The following AFDN variants were observed in gnomAD, a reference collection of about 807,000 sequenced individuals.
AFDN encodes afadin, adherens junction formation factor.
Under a neutral mutation model 216.6 loss-of-function variants are expected in AFDN, and 68 were observed. The observed-to-expected ratio is 0.31, with a 90% CI of 0.26 to 0.38. The LOEUF (loss-of-function observed/expected upper bound fraction) is 0.38. Ranked by LOEUF, AFDN falls within the 10% of genes least tolerant of loss-of-function variation. The pLI is 1.00. For missense variants in AFDN, 2,136 were observed against 2,342.0 expected, an observed-to-expected ratio of 0.91 and a Z score of 1.82; for synonymous variants, 868 against 853.7, an observed-to-expected ratio of 1.02 and a Z score of -0.29.
intron 3 of AFDN, 63 bp from the exon 4 acceptor site, chr6:167,872,151 C>A: frequency 6.7e-7 from 1 of 1,503,430 alleles, no homozygotes; most frequent in Non-Finnish European, 9.0e-7. Context: ...GTTACCTAAG[C>A]CGTAGGCAAT....
intron 1 of AFDN, among the ~76,000 whole-genome samples, chr6:167,830,982 C>A (rs907078692): frequency 8.9e-6 from 1 of 112,294 alleles, no homozygotes; most frequent in African/African-American, 3.5e-5. Flanking sequence ...CACTCTCTTG[C>A]CCAGGCTGGA....
Position 167,864,545 on chromosome 6 carries a change from T to C in AFDN, c.106-6T>C, listed in dbSNP as rs1292794035. On this transcript the variant is annotated splice_region_variant and splice_polypyrimidine_tract_variant and intron_variant, in intron 1 of 33. Coordinates refer to ENST00000683244, the MANE Select transcript of AFDN (RefSeq NM_001386888.1). Reference sequence around the variant, plus strand: ...TCCAAAAATGTACCATTTTGTTTTCTTTTAGGATTTGGAGTTCCATGGAGT... The same window carrying C: ...TCCAAAAATGTACCATTTTGTTTTCCTTTAGGATTTGGAGTTCCATGGAGT... The C allele has an allele frequency of 1.2e-6, 2 of 1,606,904 alleles. No individual in the cohort carries two copies. Among genetic ancestry groups the C allele is most frequent in the East Asian group, 2.2e-5 (1 of 44,860 alleles).
chr6:167,956,114 C>CAAAAAAAAA (rs59521151), intron 30 of AFDN, among the ~76,000 whole-genome samples: 13 of 41,298 alleles, frequency 3.1e-4, no homozygotes, highest in East Asian at 8.1e-4. Context: ...GACTTTGGCT[C>CAAAAAAAAA]AAAAAAAAAA....
chr6:167,917,920 C>A (rs1036941369), intron 20 of AFDN, among the ~76,000 whole-genome samples: 1 of 152,156 alleles, frequency 6.6e-6, no homozygotes, highest in African/African-American at 2.4e-5. Flanking sequence ...AACATTATGA[C>A]ATAATGTGAA....
At chr6:167,915,482 T>C (rs1458322688) in intron 19 of AFDN, 49 bp downstream of exon 19, 1 of 1,548,352 alleles carries the variant, frequency 6.5e-7, no homozygotes, top group Non-Finnish European at 8.7e-7. Context: ...GATAAAGGCA[T>C]CTGATCTTTA....
chr6:167,852,889 G>C (rs902480815), intron 1 of AFDN, among the ~76,000 whole-genome samples: 2 of 152,044 alleles, frequency 1.3e-5, no homozygotes, highest in African/African-American at 4.8e-5. Context: ...TTTTTGGTTG[G>C]CTAGAGGGTT....
chr6:167,885,538 C>T (rs1786685698), intron 6 of AFDN, among the ~76,000 whole-genome samples: 1 of 152,208 alleles, frequency 6.6e-6, no homozygotes, highest in South Asian at 2.1e-4. Context: ...TCAGAACACA[C>T]ACACTTATCA....
chr6:167,874,005 A>C (rs185547783), intron 4 of AFDN, among the ~76,000 whole-genome samples: 59 of 152,368 alleles, frequency 3.9e-4, no homozygotes, highest in Non-Finnish European at 7.8e-4. Flanking sequence ...AGTATTACAT[A>C]ATAAGACTCT....
At chr6:167,964,385 C>A in intron 31 of AFDN, 4 of 1,064,536 alleles carry the variant, frequency 3.8e-6, no homozygotes, top group Non-Finnish European at 4.6e-6. Context: ...TACTAAGATT[C>A]TTGATAGTTC....
intron 1 of AFDN, among the ~76,000 whole-genome samples, chr6:167,847,636 T>C (rs35129743): frequency 1.3e-5 from 2 of 152,170 alleles, no homozygotes; most frequent in African/African-American, 4.8e-5. Context: ...CAGCTCTACT[T>C]TCAAAATATT....
Position 167,890,843 on chromosome 6 carries a change from TC to T in AFDN, c.1010-16del. The T allele has an allele frequency of 6.2e-7, 1 of 1,609,714 alleles. No individual in the cohort carries two copies. The highest frequency in any genetic ancestry group is 8.5e-7 in the Non-Finnish European group (1 of 1,178,040). On this transcript the variant is annotated intron_variant, in intron 7 of 33. Coordinates refer to ENST00000683244, the MANE Select transcript of AFDN (RefSeq NM_001386888.1). ...ACCAACCTGAGTCTGCCTGATGATT[TC>T]CCATGCTGCTGTTCTAGGGATTTTA...
Position 167,911,083 on chromosome 6 carries a change from T to A in AFDN, c.1770-18T>A. 6.2e-7 allele frequency: 1 copy of A among 1,606,648 alleles called. No homozygotes were observed. Among genetic ancestry groups the A allele is most frequent in the African/African-American group, 1.3e-5 (1 of 74,550 alleles). ...CCATGTGACCTTATTTTAAGTGATG[T>A]CAGCTTTCTTCTTTTAGAACACAGG... On this transcript the variant is annotated intron_variant, in intron 13 of 33. Coordinates refer to ENST00000683244, the MANE Select transcript of AFDN (RefSeq NM_001386888.1).
intron 4 of AFDN, among the ~76,000 whole-genome samples, chr6:167,873,786 T>C (rs1470427039): frequency 1.3e-5 from 2 of 152,246 alleles, no homozygotes; most frequent in Non-Finnish European, 1.5e-5. Context: ...TTATTAACCA[T>C]TTGTATTCTT....
At position 167,891,045 on chromosome 6, in the gene AFDN, A is replaced by G. The variant is rs766518799; in HGVS notation, c.1177+16A>G. 6.4e-7 allele frequency: 1 copy of G among 1,556,452 alleles called. No homozygotes were observed. Among genetic ancestry groups the G allele is most frequent in the South Asian group, 1.2e-5 (1 of 81,442 alleles). ...TTAAGCCCAGGTGAGAAAACTGGTC[A>G]CACCAGCACACATTATTAATGTGCA... On this transcript the variant is annotated intron_variant, in intron 8 of 33. Transcript: ENST00000683244.
Position 167,962,585 on chromosome 6 carries a change from G to A in AFDN, c.4968+18G>A, listed in dbSNP as rs757628665. On this transcript the variant is annotated intron_variant, in intron 31 of 33. Coordinates refer to ENST00000683244, the MANE Select transcript of AFDN (RefSeq NM_001386888.1). The surrounding 1 kb of genome is among the most constrained non-coding windows in gnomAD (Gnocchi z 5.2). Reference sequence around the variant, plus strand: ...AAGAAAAGGTTATGGTCCTTTAAGGGCAGCTAGAATTTTACCAAGTTAGCC... The same window carrying A: ...AAGAAAAGGTTATGGTCCTTTAAGGACAGCTAGAATTTTACCAAGTTAGCC... 1.2e-5 allele frequency: 19 copies of A among 1,613,800 alleles called. No individual in the cohort carries two copies. Among genetic ancestry groups the A allele is most frequent in the Non-Finnish European group, 1.4e-5 (17 of 1,179,808 alleles).
rs902020679 is a variant in AFDN at position 167,948,066 on chromosome 6, T to G, written c.3645+122T>G. 10 of 830,490 alleles carry G rather than the reference T, an allele frequency of 1.2e-5. No individual in the cohort carries two copies. The African/African-American group carries it at 1.7e-4, about 14-fold the overall frequency. 51.4% of individuals were successfully genotyped at this position (830,490 alleles called of 1,614,324 possible). A position where few individuals can be genotyped will look rare whatever the true frequency, so the allele number is the denominator to read the frequency against. ...TTAGCATTGATTATAATTTCTAAAT[T>G]TGCAGTGTTTTATCTTTTGATTTTT... On this transcript the variant is annotated intron_variant, in intron 28 of 33. Coordinates refer to ENST00000683244, the MANE Select transcript of AFDN (RefSeq NM_001386888.1).
chr6:167,900,535 G>A (rs1041809774), intron 11 of AFDN, among the ~76,000 whole-genome samples: 1 of 152,148 alleles, frequency 6.6e-6, no homozygotes, highest in African/African-American at 2.4e-5. Context: ...CACTTTGGTT[G>A]GTCTTGTCCA....
Position 167,969,934 on chromosome 6 carries a change from G to GA in AFDN, c.*2dup. Residue 1832 remains the stop codon, a frameshift_variant and stop_retained_variant, in exon 34 of 34, where the codon TGA becomes TGAA. Transcript: ENST00000683244. LOFTEE classifies it high-confidence loss of function. ...TELENELNTK[*] ...CTGGAGAATGAACTGAACACAAAGT[G>GA]AAAGAAAATGAGGAGAACACTTTGT... The GA allele has an allele frequency of 6.2e-7, 1 of 1,603,996 alleles. No individual in the cohort carries two copies. The highest frequency in any genetic ancestry group is 8.5e-7 in the Non-Finnish European group (1 of 1,177,010).
intron 1 of AFDN, among the ~76,000 whole-genome samples, chr6:167,857,087 G>T (rs1484513975): frequency 6.6e-6 from 1 of 152,086 alleles, no homozygotes. Context: ...TCATGGAAAT[G>T]TTTGCTATGA....
Sources: gnomAD v4.1 joint callset for allele counts (sites outside exome capture counted in the v4.1 genomes callset) on GRCh38, gnomAD v4.1.1 for gene constraint, Gnocchi (gnomAD v3.1) non-coding constraint, MANE v1.5 for transcripts, NCBI Gene and HGNC (gene_info 2026-07-23, HGNC 2026-07-21) for gene names.